The following PAXBP1 variants were observed in gnomAD, a reference collection of about 807,000 sequenced individuals.
The protein encoded by PAXBP1 is PAX3- and PAX7-binding protein 1.
PAXBP1 carries 44 observed loss-of-function variants against 119.9 expected under a neutral mutation model. That is an observed-to-expected ratio of 0.37 (90% CI 0.29 to 0.47). The LOEUF is 0.47. Ranked by LOEUF, PAXBP1 falls within the 20% of genes least tolerant of loss-of-function variation. PAXBP1 has a pLI of 0.99. For missense variants in PAXBP1, 898 were observed against 1,134.1 expected (o/e 0.79, Z 2.99); for synonymous variants, 393 against 406.6 (o/e 0.97, Z 0.40).
chr21:32,741,749 T>C, intron 15 of PAXBP1: 2 of 491,052 alleles, frequency 4.1e-6, no homozygotes, highest in Non-Finnish European at 7.3e-6. Flanking sequence ...CTGGTGTCTA[T>C]GACCCGCCTG....
At chr21:32,744,287 AAG>A (rs1379110930) in intron 13 of PAXBP1, among the ~76,000 whole-genome samples, 117 of 149,050 alleles carry the variant, frequency 7.8e-4, no homozygotes, top group Admixed American at 1.4e-3. Flanking sequence ...GAAAAAAAAA[AAG>A]GAGGGGGGCG....
chr21:32,745,948 T>C (rs1396098252), intron 11 of PAXBP1, among the ~76,000 whole-genome samples: 1 of 152,144 alleles, frequency 6.6e-6, no homozygotes, highest in Non-Finnish European at 1.5e-5. Flanking sequence ...AATAGAGAAC[T>C]CAGCAATAAG....
chr21:32,751,734 G>A (rs2043961081), intron 8 of PAXBP1: 1 of 152,684 alleles, frequency 6.5e-6, no homozygotes, highest in African/African-American at 2.4e-5. Context: ...TTTAGAATAA[G>A]GCATCTGAAA....
chr21:32,770,770 C>G (rs1481434496), intron 1 of PAXBP1, among the ~76,000 whole-genome samples: 1 of 152,230 alleles, frequency 6.6e-6, no homozygotes, highest in Admixed American at 6.5e-5. Flanking sequence ...GGCTGGGTAT[C>G]TGCTACCCCT....
In PAXBP1 at chr21:32,744,823, G is replaced by A. The variant is rs149793516; in HGVS notation, c.2159C>T (p.Ser720Leu). ...ITLKLINGYP[S>L]VVNAENKNTQ... ...ATTTTTATTTTCTGCATTCACTACT[G>A]AAGGATATCCATTGATTAATTTTAG... The change falls in exon 13 of 18, where the codon TCA (serine) becomes TTA (leucine). Residue 720 changes from serine (S) to leucine (L), a missense_variant. Ser to Leu is a moderately radical substitution (Grantham distance 145). Coordinates refer to ENST00000331923, the MANE Select transcript of PAXBP1 (RefSeq NM_016631.4). The A allele has an allele frequency of 9.4e-5, 151 of 1,600,886 alleles. 2 individuals are homozygous for A. The highest frequency in any genetic ancestry group is 9.1e-4 in the South Asian group (81 of 88,632).
chr21:32,735,068 C>G lies in PAXBP1; in HGVS notation c.2637-1G>C. The G allele has an allele frequency of 6.2e-7, 1 of 1,603,276 alleles. No homozygotes were observed. The highest frequency in any genetic ancestry group is 8.5e-7 in the Non-Finnish European group (1 of 1,172,984). ...TTTTACTATCTGTTTTATGTTTTCC[C>G]TAAAAGAAAAAAATATAGCAGCATC... On this transcript the variant is annotated splice_acceptor_variant, in intron 17 of 17. Coordinates refer to ENST00000331923, the MANE Select transcript of PAXBP1 (RefSeq NM_016631.4). LOFTEE classifies it high-confidence loss of function.
chr21:32,765,269 G>A (rs530984958), intron 2 of PAXBP1, among the ~76,000 whole-genome samples: 1 of 152,178 alleles, frequency 6.6e-6, no homozygotes, highest in African/African-American at 2.4e-5. Context: ...ACAGAGAAGA[G>A]AGCCTCCTAA....
At chr21:32,739,528 C>G (rs2043743131) in intron 15 of PAXBP1, among the ~76,000 whole-genome samples, 1 of 152,158 alleles carries the variant, frequency 6.6e-6, no homozygotes, top group African/African-American at 2.4e-5. Flanking sequence ...TACCAGTTCC[C>G]ATTTTCACTA....
At chr21:32,753,987 A>AG (rs1288810896) in intron 8 of PAXBP1, among the ~76,000 whole-genome samples, 3 of 152,220 alleles carry the variant, frequency 2.0e-5, no homozygotes, top group Non-Finnish European at 4.4e-5. Flanking sequence ...GTGATCTGGG[A>AG]GGGATGCATG....
chr21:32,760,063 G>A, intron 5 of PAXBP1, 69 bp from the exon 6 acceptor site: 1 of 1,282,280 alleles, frequency 7.8e-7, no homozygotes, highest in Non-Finnish European at 1.1e-6. Context: ...ATGCCTTTAG[G>A]GTTAAAAAAT....
intron 8 of PAXBP1, among the ~76,000 whole-genome samples, chr21:32,753,994 C>T (rs2044003886): frequency 6.6e-6 from 1 of 152,162 alleles, no homozygotes; most frequent in Admixed American, 6.5e-5. Context: ...GGGAGGGATG[C>T]ATGAGTCATG....
chr21:32,765,363 T>C (rs937046776), intron 2 of PAXBP1, among the ~76,000 whole-genome samples: 8 of 152,204 alleles, frequency 5.3e-5, no homozygotes, highest in African/African-American at 1.9e-4. Flanking sequence ...TACATCTTAA[T>C]GATAAACTGT....
At chr21:32,765,391 A>G (rs895437204) in intron 2 of PAXBP1, among the ~76,000 whole-genome samples, 12 of 152,190 alleles carry the variant, frequency 7.9e-5, no homozygotes, top group Admixed American at 6.5e-4. Flanking sequence ...TACATTACTT[A>G]CAATTAAATA....
chr21:32,771,652 C>T lies in PAXBP1; in HGVS notation c.17G>A (p.Arg6Gln), dbSNP rs200765097. 2.1e-6 allele frequency: 3 copies of T among 1,431,214 alleles called. No individual in the cohort carries two copies. The highest frequency in any genetic ancestry group is 2.7e-6 in the Non-Finnish European group (3 of 1,095,456). 88.7% of individuals were successfully genotyped at this position (1,431,214 alleles called of 1,614,324 possible). The change falls in exon 1 of 18, where the codon CGG (arginine) becomes CAG (glutamine). Residue 6 changes from arginine (R) to glutamine (Q), a missense_variant. Coordinates refer to ENST00000331923, the MANE Select transcript of PAXBP1 (RefSeq NM_016631.4). MFRKA[R>Q]RVNVRKRNDS... ...GTTCCGCTTGCGCACGTTCACCCGC[C>T]GGGCCTTTCGGAACATCCCCGCGGC...
intron 8 of PAXBP1, among the ~76,000 whole-genome samples, chr21:32,752,647 T>G (rs2043974557): frequency 6.6e-6 from 1 of 152,152 alleles, no homozygotes; most frequent in African/African-American, 2.4e-5. Flanking sequence ...TATCTATCTA[T>G]TTATTTATTG....
chr21:32,753,919 T>C (rs773825878), intron 8 of PAXBP1, among the ~76,000 whole-genome samples: 1 of 152,204 alleles, frequency 6.6e-6, no homozygotes, highest in East Asian at 1.9e-4. Flanking sequence ...TACCTCCCTT[T>C]GTAGTATAAT....
Position 32,766,891 on chromosome 21 carries a change from C to A in PAXBP1, c.473-2367G>T, listed in dbSNP as rs114394473. ...TTGGTCCTCACTTTTCCTGACTTTT[C>A]TTGTACTAGTTCACACAAGCGACCA... On this transcript the variant is annotated intron_variant, in intron 2 of 17. Transcript: ENST00000331923. Among the ~76,000 whole-genome samples the A allele has an allele frequency of 2.8e-3, 433 of 152,310 alleles. 6 individuals carry two copies. Among genetic ancestry groups the A allele is most frequent in the African/African-American group, 0.01 (416 of 41,556 alleles).
intron 15 of PAXBP1, among the ~76,000 whole-genome samples, chr21:32,740,692 G>T (rs960659661): frequency 3.3e-5 from 5 of 151,946 alleles, no homozygotes; most frequent in African/African-American, 4.8e-5. Context: ...ATTAGGCAAA[G>T]ATTTCTTAGA....
At chr21:32,749,527 C>T (rs893245452) in intron 10 of PAXBP1, among the ~76,000 whole-genome samples, 1 of 151,980 alleles carries the variant, frequency 6.6e-6, no homozygotes, top group Admixed American at 6.6e-5. Flanking sequence ...TCCCAGATTA[C>T]TTGGGAAAAG....
Sources: gnomAD v4.1 joint callset for allele counts (sites outside exome capture counted in the v4.1 genomes callset) on GRCh38, gnomAD v4.1.1 for gene constraint, MANE v1.5 for transcripts, NCBI Gene and HGNC (gene_info 2026-07-23, HGNC 2026-07-21) for gene names.